Variants in DLGAP1 observed in about 807,000 individuals in gnomAD.
DLGAP1 encodes DLG associated protein 1.
DLGAP1 carries 11 observed loss-of-function variants against 90.8 expected under a neutral mutation model. The ratio of observed to expected loss-of-function variants is 0.12; its 90% CI spans 0.08 to 0.20. The LOEUF (loss-of-function observed/expected upper bound fraction) is 0.20. Among genes scored for constraint, DLGAP1 ranks in the 10% least tolerant of loss-of-function variants. The pLI is 1.00. For missense variants in DLGAP1, 1,050 were observed against 1,333.8 expected (o/e 0.79, Z 3.31); for synonymous variants, 558 against 540.7 (o/e 1.03, Z -0.44).
chr18:3,561,034 T>G (rs2054058744), intron 9 of DLGAP1, among the ~76,000 whole-genome samples: 1 of 150,760 alleles, frequency 6.6e-6, no homozygotes, highest in Non-Finnish European at 1.5e-5. Context: ...TTCATTTCAC[T>G]TATACATAAA....
intron 9 of DLGAP1, among the ~76,000 whole-genome samples, chr18:3,543,185 T>TTTTTTTTTTTTTTTTTTTTA (rs386386886): frequency 7.8e-6 from 1 of 127,738 alleles, no homozygotes; most frequent in Non-Finnish European, 1.8e-5. Flanking sequence ...TTTTTTTTTT[T>TTTTTTTTTTTTTTTTTTTTA]TTTGAGACGG....
chr18:4,027,466 T>G (rs974656438), intron 2 of DLGAP1, among the ~76,000 whole-genome samples: 2 of 121,354 alleles, frequency 1.6e-5, no homozygotes, highest in Admixed American at 1.2e-4. Context: ...AGATTGCCAC[T>G]GCACTCCAGC....
chr18:3,638,148 C>T (rs1401959624), intron 7 of DLGAP1, among the ~76,000 whole-genome samples: 8 of 151,646 alleles, frequency 5.3e-5, no homozygotes, highest in South Asian at 2.1e-4. Context: ...AGGGTTTCAC[C>T]GTGTTAGCCA....
chr18:3,522,534 G>T (rs886622923), intron 10 of DLGAP1, among the ~76,000 whole-genome samples: 4 of 145,102 alleles, frequency 2.8e-5, no homozygotes, highest in Non-Finnish European at 4.5e-5. Flanking sequence ...TTAAAGACAC[G>T]TGCAGTCAAC....
At chr18:4,151,102 T>A (rs535541786) in intron 2 of DLGAP1, 78 bp downstream of exon 2, 39 of 152,330 alleles carry the variant, frequency 2.6e-4, no homozygotes, top group African/African-American at 9.1e-4. Context: ...AAATGTTTCA[T>A]ATAGGATAGC....
chr18:4,381,615 A>G (rs1235251496), intron 1 of DLGAP1, among the ~76,000 whole-genome samples: 1 of 152,120 alleles, frequency 6.6e-6, no homozygotes, highest in African/African-American at 2.4e-5. Context: ...CTGACAATGG[A>G]GTCCCCCGTT....
rs999506199 is a variant in DLGAP1, at chr18:3,775,256, C to T, written c.1173-32744G>A. ...TCTCCTTCCATTCCCCTGTGTTATG[C>T]ACATCGATATGGTTTGGCTTTGTGT... On this transcript the variant is annotated intron_variant, in intron 5 of 12. Coordinates refer to ENST00000315677, the MANE Select transcript of DLGAP1 (RefSeq NM_004746.4). The surrounding 1 kb of genome is among the most constrained non-coding windows in gnomAD (Gnocchi z 4.9). Among the ~76,000 whole-genome samples the T allele has an allele frequency of 6.6e-6, 1 of 152,180 alleles. No homozygotes were observed. Among genetic ancestry groups the T allele is most frequent in the African/African-American group, 2.4e-5 (1 of 41,438 alleles).
intron 1 of DLGAP1, among the ~76,000 whole-genome samples, chr18:4,414,723 CA>C (rs72124732): frequency 1.4e-4 from 20 of 142,840 alleles, no homozygotes; most frequent in African/African-American, 2.4e-4. Flanking sequence ...AAGACTCTGT[CA>C]AAAAAAAAAA....
intron 1 of DLGAP1, among the ~76,000 whole-genome samples, chr18:4,328,666 T>C (rs1296029269): frequency 6.6e-6 from 1 of 151,956 alleles, no homozygotes; most frequent in Non-Finnish European, 1.5e-5. Flanking sequence ...CTACCAGTAA[T>C]GTACGTTTCC....
chr18:3,604,713 T>A (rs1377547392), intron 7 of DLGAP1, among the ~76,000 whole-genome samples: 2 of 152,218 alleles, frequency 1.3e-5, no homozygotes, highest in African/African-American at 4.8e-5. Context: ...TTTAATGTTA[T>A]CTTCTGGAGT....
chr18:4,453,524 A>G (rs550991774), intron 1 of DLGAP1, among the ~76,000 whole-genome samples: 50 of 152,316 alleles, frequency 3.3e-4, no homozygotes, highest in African/African-American at 1.2e-3. Flanking sequence ...CGTGCTATAA[A>G]TAACAGTCAA....
intron 1 of DLGAP1, among the ~76,000 whole-genome samples, chr18:4,411,613 T>C (rs1003610167): frequency 2.0e-5 from 3 of 152,196 alleles, no homozygotes; most frequent in African/African-American, 7.2e-5. Flanking sequence ...TGGAGGTTGA[T>C]GGGCTCAGCG....
Position 4,334,813 on chromosome 18 carries a change from C to T in DLGAP1, c.-267+120193G>A, listed in dbSNP as rs548991981. ...GATTTTAAATAGAAGCAATATATTC[C>T]TTTGAGTTTGACTTTATTTAAATTA... On this transcript the variant is annotated intron_variant, in intron 1 of 12. Transcript: ENST00000315677. Among the ~76,000 whole-genome samples, 5 of 151,936 alleles carry T rather than the reference C, an allele frequency of 3.3e-5. No homozygotes were observed. The South Asian group carries it at 8.3e-4, about 25-fold the overall frequency.
At chr18:4,023,406 C>T (rs1405391528) in intron 2 of DLGAP1, among the ~76,000 whole-genome samples, 1 of 152,168 alleles carries the variant, frequency 6.6e-6, no homozygotes, top group Admixed American at 6.5e-5. Context: ...TTGACTTTGA[C>T]TTTCAAGAAA....
chr18:3,684,991 A>G (rs2060647761), intron 7 of DLGAP1, among the ~76,000 whole-genome samples: 1 of 152,262 alleles, frequency 6.6e-6, no homozygotes, highest in East Asian at 1.9e-4. Context: ...TTTAGTAGCC[A>G]CAACTTAATG....
chr18:3,846,817 G>A (rs1206036765), intron 4 of DLGAP1, among the ~76,000 whole-genome samples: 5 of 152,142 alleles, frequency 3.3e-5, no homozygotes, highest in Non-Finnish European at 7.4e-5. Context: ...GGAAGTGATT[G>A]CTAACAGGTA....
chr18:3,740,605 G>C (rs759579988), intron 6 of DLGAP1, among the ~76,000 whole-genome samples: 2 of 152,028 alleles, frequency 1.3e-5, no homozygotes, highest in Non-Finnish European at 1.5e-5. Context: ...CTATTTCAGG[G>C]TCTTATTTTG....
At chr18:3,809,011 T>C (rs1264465303) in intron 5 of DLGAP1, among the ~76,000 whole-genome samples, 3 of 152,240 alleles carry the variant, frequency 2.0e-5, no homozygotes, top group Non-Finnish European at 4.4e-5. Context: ...TACTCTACTG[T>C]GCCTTGTTCT....
intron 1 of DLGAP1, among the ~76,000 whole-genome samples, chr18:4,196,046 A>G (rs2077491998): frequency 6.6e-6 from 1 of 152,148 alleles, no homozygotes; most frequent in Non-Finnish European, 1.5e-5. Flanking sequence ...GATCAAAGAA[A>G]ATCCACATGG....
Sources: gnomAD v4.1 joint callset for allele counts (sites outside exome capture counted in the v4.1 genomes callset) on GRCh38, gnomAD v4.1.1 for gene constraint, Gnocchi (gnomAD v3.1) non-coding constraint, MANE v1.5 for transcripts, NCBI Gene and HGNC (gene_info 2026-07-23, HGNC 2026-07-21) for gene names.